The following KCNH7 variants were observed in gnomAD, a reference collection of about 807,000 sequenced individuals.
The protein encoded by KCNH7 is voltage-gated inwardly rectifying potassium channel KCNH7.
KCNH7 carries 49 observed loss-of-function variants against 120.8 expected under a neutral mutation model. The ratio of observed to expected loss-of-function variants is 0.41; its 90% confidence interval spans 0.32 to 0.51. KCNH7 has a LOEUF of 0.51. KCNH7 is among the 20% of genes least tolerant of loss of function. KCNH7 has a pLI of 0.38. For synonymous variants in KCNH7, 547 were observed against 516.1 expected (o/e 1.06, Z -0.81); for missense variants, 1,097 against 1,446.6 (o/e 0.76, Z 3.92).
chr2:162,497,913 T>C (rs1036846324), intron 6 of KCNH7, among the ~76,000 whole-genome samples: 14 of 152,290 alleles, frequency 9.2e-5, no homozygotes, highest in East Asian at 1.9e-4. Context: ...GAATCCTAAA[T>C]GTTGGGAATC....
At chr2:162,715,633 T>C (rs1213346614) in intron 2 of KCNH7, among the ~76,000 whole-genome samples, 1 of 152,186 alleles carries the variant, frequency 6.6e-6, no homozygotes, top group East Asian at 1.9e-4. Context: ...CAATGGTACG[T>C]CAGCAATTGT....
intron 7 of KCNH7, among the ~76,000 whole-genome samples, chr2:162,439,937 A>C (rs1688368593): frequency 1.3e-5 from 2 of 151,754 alleles, no homozygotes; most frequent in South Asian, 4.2e-4. Flanking sequence ...TTTTACAATA[A>C]ATCAGGCAAG....
intron 2 of KCNH7, among the ~76,000 whole-genome samples, chr2:162,680,542 A>C (rs1685676740): frequency 6.6e-6 from 1 of 151,766 alleles, no homozygotes; most frequent in Non-Finnish European, 1.5e-5. Context: ...TATTTATTAG[A>C]TATAGACTCA....
At chr2:162,838,379 G>T in intron 1 of KCNH7, 64 bp downstream of exon 1, 1 of 1,385,996 alleles carries the variant, frequency 7.2e-7, no homozygotes, top group Non-Finnish European at 1.0e-6. Context: ...CTTGGAAGCG[G>T]TGGACGCCAA....
At chr2:162,425,499 C>A (rs920417735) in intron 8 of KCNH7, among the ~76,000 whole-genome samples, 2 of 152,072 alleles carry the variant, frequency 1.3e-5, no homozygotes, top group Non-Finnish European at 1.5e-5. Flanking sequence ...AGAGAATTAA[C>A]AATATTTGCC....
chr2:162,689,431 C>T (rs1361818989), intron 2 of KCNH7, among the ~76,000 whole-genome samples: 2 of 152,066 alleles, frequency 1.3e-5, no homozygotes, highest in African/African-American at 4.8e-5. Context: ...GGATTACAGG[C>T]ATGAGCCACC....
At chr2:162,752,920 A>AAAGAG (rs1474195013) in intron 2 of KCNH7, among the ~76,000 whole-genome samples, 12 of 65,614 alleles carry the variant, frequency 1.8e-4, no homozygotes, top group African/African-American at 1.1e-3. Context: ...AAAGAAAAGA[A>AAAGAG]AAGAAAAGAA....
intron 2 of KCNH7, among the ~76,000 whole-genome samples, chr2:162,659,398 G>A (rs527842060): frequency 6.7e-6 from 1 of 150,348 alleles, no homozygotes; most frequent in South Asian, 2.1e-4. Context: ...CTGGAGTGCA[G>A]TAGCACAATC....
rs772855773 is a variant in KCNH7, at chr2:162,394,533, A to G, written c.2614-48T>C. On this transcript the variant is annotated intron_variant, in intron 11 of 15. Transcript: ENST00000332142. ...TAAAATGAAAGATTACTGAATTAGA[A>G]CACAATGTACTATTCAGTAAACTGT... The G allele has an allele frequency of 2.9e-6, 3 of 1,045,432 alleles. No homozygotes were observed. In the South Asian group the frequency reaches 3.9e-5, roughly 14 times the overall value. The allele number at this position is 1,045,432 out of a possible 1,614,324, so 64.8% of individuals were successfully genotyped here. A position where few individuals can be genotyped will look rare whatever the true frequency, so the allele number is the denominator to read the frequency against.
chr2:162,520,623 A>T (rs544188846), intron 3 of KCNH7, among the ~76,000 whole-genome samples: 1 of 151,728 alleles, frequency 6.6e-6, no homozygotes, highest in East Asian at 2.0e-4. Context: ...AACAAAAAAA[A>T]CTAGGTATGG....
chr2:162,711,408 T>C (rs1686925340), intron 2 of KCNH7, among the ~76,000 whole-genome samples: 2 of 152,192 alleles, frequency 1.3e-5, no homozygotes, highest in Non-Finnish European at 2.9e-5. Context: ...AAAATATAAA[T>C]GGGAGAAATG....
intron 2 of KCNH7, among the ~76,000 whole-genome samples, chr2:162,593,676 T>A (rs181872515): frequency 1.5e-4 from 23 of 152,150 alleles, no homozygotes; most frequent in African/African-American, 5.3e-4. Context: ...TCAGTCTTGA[T>A]AATTAATCAC....
chr2:162,659,625 G>A lies in KCNH7; in HGVS notation c.308-122545C>T, dbSNP rs866749327. 2.8e-4 allele frequency among the ~76,000 whole-genome samples: 42 copies of A among 152,266 alleles called. No homozygotes were observed. The Middle Eastern group carries it at 0.01, about 37-fold the overall frequency. On this transcript the variant is annotated intron_variant, in intron 2 of 15. Coordinates refer to ENST00000332142, the MANE Select transcript of KCNH7 (RefSeq NM_033272.4). ...CCCAAAGTGCTGGGATTACAGGCAT[G>A]AGCCACTGCGCCTGGCCAATAGTGG...
At chr2:162,378,847 C>T (rs536078952) in intron 14 of KCNH7, among the ~76,000 whole-genome samples, 2 of 152,290 alleles carry the variant, frequency 1.3e-5, no homozygotes, top group African/African-American at 4.8e-5. Context: ...TATACTATAC[C>T]TTGTATCCTT....
chr2:162,721,545 C>T (rs925231126), intron 2 of KCNH7, among the ~76,000 whole-genome samples: 3 of 152,164 alleles, frequency 2.0e-5, no homozygotes, highest in Admixed American at 6.6e-5. Flanking sequence ...TTGATGTCAA[C>T]GTTCAATACG....
At chr2:162,405,879 G>A (rs1430715914) in intron 9 of KCNH7, among the ~76,000 whole-genome samples, 3 of 151,940 alleles carry the variant, frequency 2.0e-5, no homozygotes, top group Non-Finnish European at 4.4e-5. Context: ...TATGTCCTAG[G>A]CTTCAGCCAG....
chr2:162,484,667 G>A (rs756202386), intron 6 of KCNH7, among the ~76,000 whole-genome samples: 1 of 152,138 alleles, frequency 6.6e-6, no homozygotes, highest in Non-Finnish European at 1.5e-5. Context: ...AGTGTTGAAG[G>A]TGGGGCCTAA....
chr2:162,432,970 C>A (rs1396551804), intron 8 of KCNH7, among the ~76,000 whole-genome samples: 3 of 151,912 alleles, frequency 2.0e-5, no homozygotes, highest in African/African-American at 7.2e-5. Context: ...AATCAATGTG[C>A]AAAAATTAGT....
chr2:162,693,451 A>G lies in KCNH7; in HGVS notation c.307+143086T>C, dbSNP rs184219483. ...TTTTTTTCAGACCAGCTCTAATCAC[A>G]TATCAGAAAATGTCATAAGTTGGGA... On this transcript the variant is annotated intron_variant, in intron 2 of 15. Coordinates refer to ENST00000332142, the MANE Select transcript of KCNH7 (RefSeq NM_033272.4). 7.3e-4 allele frequency among the ~76,000 whole-genome samples: 111 copies of G among 152,352 alleles called. 1 individual carries two copies. Among genetic ancestry groups the G allele is most frequent in the Middle Eastern group, 3.4e-3 (1 of 294 alleles).
Sources: gnomAD v4.1 joint callset for allele counts (sites outside exome capture counted in the v4.1 genomes callset) on GRCh38, gnomAD v4.1.1 for gene constraint, MANE v1.5 for transcripts, NCBI Gene and HGNC (gene_info 2026-07-23, HGNC 2026-07-21) for gene names.